ARHGAP22: variants seen among roughly 807,000 people sequenced by gnomAD.
ARHGAP22 encodes Rho GTPase activating protein 22.
In ARHGAP22, 48 loss-of-function variants were observed where a neutral mutation model predicts 59.1. The ratio of observed to expected loss-of-function variants is 0.81; its 90% CI spans 0.64 to 1.03. The LOEUF (loss-of-function observed/expected upper bound fraction) is 1.03. Ranked by LOEUF, ARHGAP22 falls within the 50% of genes least tolerant of loss-of-function variation. ARHGAP22 has a pLI of 0.00. For missense variants in ARHGAP22, 1,015 were observed against 958.7 expected (o/e 1.06, Z -0.78); for synonymous variants, 445 against 416.4 (o/e 1.07, Z -0.84).
At chr10:48,507,150 G>T (rs2052228162) in intron 3 of ARHGAP22, among the ~76,000 whole-genome samples, 1 of 152,148 alleles carries the variant, frequency 6.6e-6, no homozygotes, top group Non-Finnish European at 1.5e-5. Flanking sequence ...CCAGACCCAG[G>T]GTGACTCCTG....
At chr10:48,571,278 G>A (rs1009303889) in intron 2 of ARHGAP22, among the ~76,000 whole-genome samples, 3 of 152,212 alleles carry the variant, frequency 2.0e-5, no homozygotes, top group East Asian at 3.9e-4. Flanking sequence ...AAGACAAATC[G>A]GGGAGTCTGT....
chr10:48,593,789 C>T (rs1487225786), intron 1 of ARHGAP22, among the ~76,000 whole-genome samples: 1 of 152,156 alleles, frequency 6.6e-6, no homozygotes, highest in Non-Finnish European at 1.5e-5. Flanking sequence ...ATATGGGGAA[C>T]CACTTTATAT....
chr10:48,593,128 G>A lies in ARHGAP22; in HGVS notation c.35-9976C>T, dbSNP rs891169409. ...TGCCCTCTGCTCTCTGGGCCCTCCC[G>A]GATGCCCTAGGGTTCCTCTCTCAGC... On this transcript the variant is annotated intron_variant, in intron 1 of 9. Coordinates refer to ENST00000249601, the MANE Select transcript of ARHGAP22 (RefSeq NM_021226.4). Among the ~76,000 whole-genome samples, 153 of 152,258 alleles carry A rather than the reference G, an allele frequency of 1.0e-3. 1 individual carries two copies. Among genetic ancestry groups the A allele is most frequent in the African/African-American group, 3.3e-3 (137 of 41,560 alleles).
chr10:48,642,178 A>G (rs1365173185), intron 1 of ARHGAP22, among the ~76,000 whole-genome samples: 1 of 152,238 alleles, frequency 6.6e-6, no homozygotes, highest in African/African-American at 2.4e-5. Flanking sequence ...TAATTTATAG[A>G]TTCAATGCCA....
chr10:48,459,623 C>A, intron 5 of ARHGAP22, 61 bp downstream of exon 5: 1 of 1,582,258 alleles, frequency 6.3e-7, no homozygotes, highest in Non-Finnish European at 8.7e-7. Flanking sequence ...GTGTCCTGGG[C>A]AGGAGCCCCT....
chr10:48,537,963 T>G (rs902538044), intron 3 of ARHGAP22, among the ~76,000 whole-genome samples: 2 of 152,204 alleles, frequency 1.3e-5, no homozygotes, highest in Non-Finnish European at 2.9e-5. Context: ...TGGGCCCTGC[T>G]GCGGAGGGCC....
chr10:48,583,214 C>A, intron 1 of ARHGAP22, 62 bp from the exon 2 acceptor site: 1 of 1,550,818 alleles, frequency 6.4e-7, no homozygotes, highest in Non-Finnish European at 8.8e-7. Context: ...AGTCCTGCCC[C>A]CATCCTGGTG....
chr10:48,600,252 G>T (rs572904243), intron 1 of ARHGAP22, among the ~76,000 whole-genome samples: 3 of 152,262 alleles, frequency 2.0e-5, no homozygotes, highest in Admixed American at 1.3e-4. Flanking sequence ...GGCCTTTAAT[G>T]TATTAACAGT....
chr10:48,590,846 G>A (rs889683075), intron 1 of ARHGAP22, among the ~76,000 whole-genome samples: 1 of 151,996 alleles, frequency 6.6e-6, no homozygotes, highest in Non-Finnish European at 1.5e-5. Flanking sequence ...TCAGCGCATG[G>A]GCAGGGTAGG....
intron 1 of ARHGAP22, among the ~76,000 whole-genome samples, chr10:48,586,045 T>C (rs2135685175): frequency 6.6e-6 from 1 of 152,256 alleles, no homozygotes; most frequent in Non-Finnish European, 1.5e-5. Flanking sequence ...TTCCCTCCTC[T>C]CTGTGGGGTT....
intron 8 of ARHGAP22, 123 bp from the exon 9 acceptor site, chr10:48,451,263 C>T: frequency 7.5e-7 from 1 of 1,334,004 alleles, no homozygotes; most frequent in Non-Finnish European, 1.1e-6. Context: ...CAGGCCGCCC[C>T]TCAAGGGAGC....
the ARHGAP22 span, chr10:48,436,163 A>G: frequency 1.3e-5 from 2 of 152,364 alleles, no homozygotes; most frequent in African/African-American, 2.4e-5. Context: ...TCATCTGAAA[A>G]TAGTAGCACA....
chr10:48,552,466 T>G (rs2056974684), intron 3 of ARHGAP22, among the ~76,000 whole-genome samples: 1 of 152,260 alleles, frequency 6.6e-6, no homozygotes, highest in Non-Finnish European at 1.5e-5. Context: ...CAGATGCACT[T>G]GCCACCCTTC....
chr10:48,630,529 A>T (rs1215216877), intron 1 of ARHGAP22, among the ~76,000 whole-genome samples: 1 of 152,166 alleles, frequency 6.6e-6, no homozygotes, highest in African/African-American at 2.4e-5. Flanking sequence ...ATTCTGTTAG[A>T]TTTATAGGTA....
chr10:48,613,238 G>T (rs951531575), intron 1 of ARHGAP22, among the ~76,000 whole-genome samples: 1 of 152,038 alleles, frequency 6.6e-6, no homozygotes, highest in East Asian at 1.9e-4. Context: ...TCATGATATG[G>T]CCTCAGTAAC....
intron 1 of ARHGAP22, among the ~76,000 whole-genome samples, chr10:48,618,167 G>A (rs542838113): frequency 5.3e-5 from 8 of 152,148 alleles, no homozygotes; most frequent in Non-Finnish European, 1.0e-4. Context: ...AATGGAAAAT[G>A]TGAACAGACC....
chr10:48,505,136 C>G (rs1167724970), intron 3 of ARHGAP22, among the ~76,000 whole-genome samples: 1 of 152,190 alleles, frequency 6.6e-6, no homozygotes, highest in Non-Finnish European at 1.5e-5. Flanking sequence ...TCACTCCAAC[C>G]TCCGCCTTCT....
chr10:48,592,339 G>C (rs192083061), intron 1 of ARHGAP22, among the ~76,000 whole-genome samples: 25 of 152,234 alleles, frequency 1.6e-4, no homozygotes, highest in Non-Finnish European at 2.5e-4. Flanking sequence ...CTTCAGTCAG[G>C]CTTCCCCAAC....
chr10:48,456,738 G>A (rs1423566574), intron 5 of ARHGAP22, among the ~76,000 whole-genome samples: 4 of 152,138 alleles, frequency 2.6e-5, no homozygotes, highest in African/African-American at 7.2e-5. Flanking sequence ...TCCCTGCCCC[G>A]CAGGGTCCTG....
Sources: allele counts gnomAD v4.1 joint callset (sites outside exome capture counted in the v4.1 genomes callset), GRCh38; gene constraint gnomAD v4.1.1; transcripts MANE v1.5; gene names NCBI Gene and HGNC (gene_info 2026-07-23, HGNC 2026-07-21).